The following RAB38 variants were observed in gnomAD, a reference collection of about 807,000 sequenced individuals.
RAB38 encodes RAB38, member RAS oncogene family, also known as ras-related protein Rab-38.
In RAB38, 15 loss-of-function variants were observed where a neutral mutation model predicts 18.4. The ratio of observed to expected loss-of-function variants is 0.82; its 90% CI spans 0.55 to 1.26. The LOEUF is 1.26. Ranked by LOEUF, RAB38 falls within the 50% of genes most tolerant of loss-of-function variation. The pLI is 0.00. For missense variants in RAB38, 294 were observed against 267.4 expected (o/e 1.10, Z -0.69); for synonymous variants, 101 against 104.4 (o/e 0.97, Z 0.20).
the RAB38 span, among the ~76,000 whole-genome samples, chr11:88,005,581 A>C: frequency 1.4e-5 from 2 of 142,960 alleles, no homozygotes; most frequent in Non-Finnish European, 3.2e-5. Flanking sequence ...TTTGCTGTGC[A>C]GAAGTTTTTT....
the RAB38 span, among the ~76,000 whole-genome samples, chr11:88,074,361 A>C: frequency 6.6e-6 from 1 of 152,180 alleles, no homozygotes; most frequent in African/African-American, 2.4e-5. Context: ...GGCAATATAA[A>C]AATATGTAAA....
chr11:88,016,825 C>A, the RAB38 span, among the ~76,000 whole-genome samples: 13 of 152,204 alleles, frequency 8.5e-5, no homozygotes, highest in South Asian at 2.1e-4. Context: ...TTTGAGGACT[C>A]ACTTTTCTTT....
At chr11:88,145,540 C>A (rs2134820027) in intron 2 of RAB38, among the ~76,000 whole-genome samples, 1 of 152,210 alleles carries the variant, frequency 6.6e-6, no homozygotes, top group East Asian at 1.9e-4. Context: ...GAGATTCAGG[C>A]AATGGGCACC....
chr11:87,971,191 G>A, the RAB38 span, among the ~76,000 whole-genome samples: 1 of 152,076 alleles, frequency 6.6e-6, no homozygotes, highest in Non-Finnish European at 1.5e-5. Flanking sequence ...CAATAAGGGA[G>A]CAAAGACTAG....
the RAB38 span, among the ~76,000 whole-genome samples, chr11:88,026,562 C>CAAAAAAAAAAAAAAAA: frequency 1.8e-5 from 1 of 54,252 alleles, no homozygotes; most frequent in Non-Finnish European, 3.4e-5. Flanking sequence ...GACTCTGTCA[C>CAAAAAAAAAAAAAAAA]AAAAAAAAAA....
At chr11:87,855,665 G>T in the RAB38 span, among the ~76,000 whole-genome samples, 3 of 152,056 alleles carry the variant, frequency 2.0e-5, no homozygotes, top group Non-Finnish European at 4.4e-5. Context: ...ATTACGTAAA[G>T]CTGTCTTATA....
the RAB38 span, among the ~76,000 whole-genome samples, chr11:87,862,751 C>T: frequency 4.0e-5 from 6 of 151,712 alleles, no homozygotes; most frequent in African/African-American, 1.4e-4. Context: ...TAAACCTTGA[C>T]CCAATATACT....
the RAB38 span, among the ~76,000 whole-genome samples, chr11:87,889,176 C>CCTGCCCT: frequency 0.96 from 145,454 of 151,748 alleles, 69,737 homozygotes; most frequent in East Asian, 1. Flanking sequence ...TGCTGATGTG[C>CCTGCCCT]CTGCCCAGGA....
chr11:87,975,145 C>G, the RAB38 span, among the ~76,000 whole-genome samples: 4 of 151,904 alleles, frequency 2.6e-5, no homozygotes, highest in Non-Finnish European at 4.4e-5. Flanking sequence ...TCTGCATCCC[C>G]TCCTCTTCTG....
At chr11:87,807,122 T>C in the RAB38 span, among the ~76,000 whole-genome samples, 2 of 152,122 alleles carry the variant, frequency 1.3e-5, no homozygotes, top group Non-Finnish European at 2.9e-5. Context: ...CGTTTGAGAA[T>C]CTAATGCCTG....
chr11:87,854,401 C>T, the RAB38 span, among the ~76,000 whole-genome samples: 1 of 152,098 alleles, frequency 6.6e-6, no homozygotes, highest in African/African-American at 2.4e-5. Flanking sequence ...CTTTTTATTT[C>T]TCTTCTCATG....
chr11:87,871,779 T>G, the RAB38 span, among the ~76,000 whole-genome samples: 10 of 151,564 alleles, frequency 6.6e-5, no homozygotes, highest in Non-Finnish European at 1.3e-4. Flanking sequence ...AAGCATATAA[T>G]ATATGCTGCA....
the RAB38 span, chr11:87,815,294 ACC>A: frequency 1.3e-5 from 2 of 152,130 alleles, no homozygotes; most frequent in Non-Finnish European, 2.9e-5. Context: ...GGGCTAGTAT[ACC>A]TCCTAGTTTG....
chr11:88,099,080 T>C, the RAB38 span, among the ~76,000 whole-genome samples: 2 of 151,970 alleles, frequency 1.3e-5, no homozygotes, highest in Non-Finnish European at 2.9e-5. Context: ...GTTTGTTTTA[T>C]TTCTAATAAA....
intron 1 of RAB38, among the ~76,000 whole-genome samples, chr11:88,170,262 C>T (rs1327007811): frequency 1.3e-5 from 2 of 152,148 alleles, no homozygotes; most frequent in Non-Finnish European, 1.5e-5. Context: ...ATTAGCTAAG[C>T]TAGAAACAAG....
At chr11:88,057,340 A>T in the RAB38 span, among the ~76,000 whole-genome samples, 1 of 152,172 alleles carries the variant, frequency 6.6e-6, no homozygotes, top group African/African-American at 2.4e-5. Flanking sequence ...GTCCTAATAC[A>T]TGAAGGCAAG....
chr11:88,033,351 C>T, the RAB38 span, among the ~76,000 whole-genome samples: 1 of 149,572 alleles, frequency 6.7e-6, no homozygotes, highest in African/African-American at 2.5e-5. Flanking sequence ...ATGTTGTGTA[C>T]ATGTACCCTA....
the RAB38 span, among the ~76,000 whole-genome samples, chr11:88,045,971 T>C: frequency 6.6e-6 from 1 of 152,186 alleles, no homozygotes; most frequent in Non-Finnish European, 1.5e-5. Flanking sequence ...CTAAATTATC[T>C]GCTTCCCTGA....
At chr11:87,886,821 CTTG>C in the RAB38 span, among the ~76,000 whole-genome samples, 2 of 107,250 alleles carry the variant, frequency 1.9e-5, no homozygotes, top group African/African-American at 2.9e-5. Flanking sequence ...TGCTGAAGCA[CTTG>C]TTTTTTTTTT....
Sources: allele counts gnomAD v4.1 joint callset (sites outside exome capture counted in the v4.1 genomes callset), GRCh38; gene constraint gnomAD v4.1.1; transcripts MANE v1.5; gene names NCBI Gene and HGNC (gene_info 2026-07-23, HGNC 2026-07-21).